GALNT13: variants seen among roughly 807,000 people sequenced by gnomAD.
The protein encoded by GALNT13 is UDP-GalNAc:polypeptide N-acetylgalactosaminyltransferase 13.
In GALNT13, 28 loss-of-function variants were observed where a neutral mutation model predicts 64.2. The ratio of observed to expected loss-of-function variants is 0.44; its 90% CI spans 0.32 to 0.60. The LOEUF (loss-of-function observed/expected upper bound fraction) is 0.60, where lower values mean the gene tolerates loss of function less well. GALNT13 is among the 20% of genes least tolerant of loss of function. GALNT13 has a pLI of 0.05. For synonymous variants in GALNT13, 214 were observed against 224.6 expected (o/e 0.95, Z 0.42); for missense variants, 577 against 669.8 (o/e 0.86, Z 1.53).
chr2:153,460,324 T>C, the GALNT13 span, among the ~76,000 whole-genome samples: 3 of 152,124 alleles, frequency 2.0e-5, no homozygotes, highest in Non-Finnish European at 4.4e-5. Flanking sequence ...AATTTGCTTT[T>C]TTCCTTGACA....
chr2:153,492,470 A>G, the GALNT13 span, among the ~76,000 whole-genome samples: 1 of 152,340 alleles, frequency 6.6e-6, no homozygotes, highest in Non-Finnish European at 1.5e-5. Context: ...ATTCAATAAC[A>G]GGTGAGTGCA....
At chr2:153,551,083 G>T in the GALNT13 span, among the ~76,000 whole-genome samples, 1 of 152,170 alleles carries the variant, frequency 6.6e-6, no homozygotes, top group Non-Finnish European at 1.5e-5. Context: ...CACAGTGGGG[G>T]TCTCTGGAGA....
chr2:153,499,555 C>G, the GALNT13 span, among the ~76,000 whole-genome samples: 152 of 152,290 alleles, frequency 1.0e-3, 1 homozygote, highest in Non-Finnish European at 2.0e-3. Context: ...TCAGTCATGT[C>G]GTCCATGATG....
At chr2:153,333,569 C>T in the GALNT13 span, among the ~76,000 whole-genome samples, 78 of 152,006 alleles carry the variant, frequency 5.1e-4, no homozygotes, top group Non-Finnish European at 8.8e-4. Flanking sequence ...CTCTAATCTA[C>T]CATCTTGAAA....
At chr2:153,771,777 CA>C in the GALNT13 span, among the ~76,000 whole-genome samples, 1,103 of 152,184 alleles carry the variant, frequency 7.2e-3, 4 homozygotes, top group Non-Finnish European at 0.01. Context: ...AGAAAAAGAG[CA>C]AAAACTTACT....
At chr2:153,871,413 G>A (rs1433845025), upstream of GALNT13, among the ~76,000 whole-genome samples, 3 of 152,272 alleles carry the variant, frequency 2.0e-5, no homozygotes, top group Non-Finnish European at 4.4e-5. Flanking sequence ...TGCGGAGGGC[G>A]CCGAAGCGTC....
the GALNT13 span, among the ~76,000 whole-genome samples, chr2:153,474,887 TAAA>T: frequency 5.9e-5 from 9 of 151,432 alleles, no homozygotes; most frequent in Admixed American, 3.9e-4. Context: ...ACCTGCCTGT[TAAA>T]TTTATGTATC....
intron 3 of GALNT13, among the ~76,000 whole-genome samples, chr2:154,071,852 C>A (rs1700755312): frequency 1.3e-5 from 2 of 152,070 alleles, no homozygotes; most frequent in Admixed American, 6.6e-5. Context: ...GATGGTCTAA[C>A]CATCTTAACC....
the GALNT13 span, among the ~76,000 whole-genome samples, chr2:153,356,748 G>A: frequency 2.0e-5 from 3 of 150,458 alleles, no homozygotes; most frequent in African/African-American, 4.9e-5. Context: ...ATAGAGGACA[G>A]AGAGACAAAG....
At chr2:153,801,517 G>A in the GALNT13 span, among the ~76,000 whole-genome samples, 1 of 152,074 alleles carries the variant, frequency 6.6e-6, no homozygotes, top group Non-Finnish European at 1.5e-5. Flanking sequence ...CTGGTAGGTG[G>A]AGAAGTCAGA....
chr2:153,574,315 A>G, the GALNT13 span, among the ~76,000 whole-genome samples: 1 of 152,046 alleles, frequency 6.6e-6, no homozygotes, highest in Admixed American at 6.5e-5. Flanking sequence ...TGATTATTAA[A>G]TGCCTTGAGA....
the GALNT13 span, among the ~76,000 whole-genome samples, chr2:153,261,137 C>T: frequency 6.6e-6 from 1 of 152,022 alleles, no homozygotes; most frequent in Non-Finnish European, 1.5e-5. Flanking sequence ...TGAGCTTCCC[C>T]CAAAGAGCTA....
At chr2:153,541,634 T>G in the GALNT13 span, among the ~76,000 whole-genome samples, 1 of 152,232 alleles carries the variant, frequency 6.6e-6, no homozygotes, top group Non-Finnish European at 1.5e-5. Flanking sequence ...TGTTTGATTG[T>G]AGGCCATAAG....
the GALNT13 span, among the ~76,000 whole-genome samples, chr2:153,347,388 A>G: frequency 6.6e-6 from 1 of 152,212 alleles, no homozygotes; most frequent in African/African-American, 2.4e-5. Context: ...TGCACATGCC[A>G]TTGTCTTATC....
At chr2:154,118,031 AT>A (rs982524852) in intron 3 of GALNT13, among the ~76,000 whole-genome samples, 58 of 152,150 alleles carry the variant, frequency 3.8e-4, no homozygotes, top group African/African-American at 1.4e-3. Flanking sequence ...TGTTAGATCC[AT>A]TTTGTCTACA....
At chr2:154,105,203 C>T (rs575006725) in intron 3 of GALNT13, among the ~76,000 whole-genome samples, 2 of 151,678 alleles carry the variant, frequency 1.3e-5, no homozygotes, top group East Asian at 1.9e-4. Context: ...CCAGTAGGGC[C>T]GTGATTGTTC....
chr2:153,863,221 A>G, the GALNT13 span, among the ~76,000 whole-genome samples: 42 of 152,170 alleles, frequency 2.8e-4, no homozygotes, highest in African/African-American at 8.4e-4. Context: ...ACTTTGAATG[A>G]GATAGGTGAA....
chr2:153,885,145 A>G lies in GALNT13; in HGVS notation c.-177+12842A>G, dbSNP rs951620870. 2.0e-5 allele frequency among the ~76,000 whole-genome samples: 3 copies of G among 151,982 alleles called. No individual in the cohort carries two copies. In the South Asian group the frequency reaches 6.2e-4, roughly 31 times the overall value. On this transcript the variant is annotated intron_variant, in intron 1 of 12. Coordinates refer to ENST00000392825, the MANE Select transcript of GALNT13 (RefSeq NM_052917.4). ...TTTGTAGTCTAATGTTTATTTTGTG[A>G]AGATAGGTCTATCATTTTATTGAGA...
chr2:153,528,187 C>T, the GALNT13 span, among the ~76,000 whole-genome samples: 1 of 151,364 alleles, frequency 6.6e-6, no homozygotes, highest in Non-Finnish European at 1.5e-5. Context: ...AGAAACACAC[C>T]TCATCTATAA....
Sources: gnomAD v4.1 joint callset for allele counts (sites outside exome capture counted in the v4.1 genomes callset) on GRCh38, gnomAD v4.1.1 for gene constraint, MANE v1.5 for transcripts, NCBI Gene and HGNC (gene_info 2026-07-23, HGNC 2026-07-21) for gene names.